Variants in AIG1 observed in about 807,000 individuals in gnomAD.
AIG1 encodes androgen-induced gene 1 protein.
In AIG1, 23 loss-of-function variants were observed where a neutral mutation model predicts 31.4. That is an observed-to-expected ratio of 0.73 (90% CI 0.53 to 1.04). The LOEUF (loss-of-function observed/expected upper bound fraction) is 1.04. AIG1 is among the 50% of genes least tolerant of loss of function. AIG1 has a pLI of 0.00. For missense variants in AIG1, 274 were observed against 295.0 expected, an observed-to-expected ratio of 0.93 and a Z score of 0.52; for synonymous variants, 100 against 110.5, an observed-to-expected ratio of 0.90 and a Z score of 0.60.
intron 3 of AIG1, among the ~76,000 whole-genome samples, chr6:143,242,187 AAG>A (rs773469750): frequency 6.6e-6 from 1 of 152,196 alleles, no homozygotes; most frequent in Non-Finnish European, 1.5e-5. Context: ...CAGGAGAAGC[AAG>A]AACGCAGCCA....
chr6:143,216,817 G>A (rs1454312312), intron 3 of AIG1, among the ~76,000 whole-genome samples: 2 of 152,200 alleles, frequency 1.3e-5, no homozygotes, highest in Non-Finnish European at 2.9e-5. Flanking sequence ...TGAGGACAGT[G>A]AGGGGAGAGG....
chr6:143,135,101 C>A (rs1474062538), intron 1 of AIG1, among the ~76,000 whole-genome samples: 1 of 152,094 alleles, frequency 6.6e-6, no homozygotes, highest in East Asian at 1.9e-4. Context: ...TGTTCTACAT[C>A]TTTGTAACAC....
intron 3 of AIG1, among the ~76,000 whole-genome samples, chr6:143,270,696 T>C (rs1796454220): frequency 6.6e-6 from 1 of 152,254 alleles, no homozygotes; most frequent in South Asian, 2.1e-4. Context: ...TTAAATAAGT[T>C]AGTATTTCTC....
chr6:143,106,089 T>C (rs1562381474), intron 1 of AIG1, among the ~76,000 whole-genome samples: 1 of 152,208 alleles, frequency 6.6e-6, no homozygotes, highest in Admixed American at 6.5e-5. Flanking sequence ...CATTTCGATG[T>C]AATTAATGAA....
chr6:143,240,246 G>A (rs976447398), intron 3 of AIG1, among the ~76,000 whole-genome samples: 3 of 152,186 alleles, frequency 2.0e-5, no homozygotes, highest in African/African-American at 7.2e-5. Flanking sequence ...TTGTTGTAAG[G>A]GTGAAATGAG....
intron 3 of AIG1, among the ~76,000 whole-genome samples, chr6:143,255,008 C>T (rs1462547568): frequency 1.3e-5 from 2 of 152,116 alleles, no homozygotes; most frequent in Admixed American, 1.3e-4. Context: ...TGCTGCACTC[C>T]AGCCTGAGTG....
At chr6:143,116,062 A>G (rs1479556057) in intron 1 of AIG1, among the ~76,000 whole-genome samples, 2 of 152,246 alleles carry the variant, frequency 1.3e-5, no homozygotes, top group African/African-American at 4.8e-5. Flanking sequence ...AGGGCTCATA[A>G]TCTAGACAGG....
At chr6:143,195,843 C>T (rs1191641254) in intron 3 of AIG1, among the ~76,000 whole-genome samples, 2 of 152,292 alleles carry the variant, frequency 1.3e-5, no homozygotes, top group East Asian at 1.9e-4. Flanking sequence ...AGAAAAGCCG[C>T]CAGAAGAAAA....
In AIG1 at chr6:143,139,281, G is replaced by A. The variant is rs369890006; in HGVS notation, c.297+2291G>A. ...TTTTAGAAAAAAGAGGAATAAAAGTGCCTTTCATCCCCACCCACCCCATCC... is the reference window on the plus strand; with the variant it reads ...TTTTAGAAAAAAGAGGAATAAAAGTACCTTTCATCCCCACCCACCCCATCC... On this transcript the variant is annotated intron_variant, in intron 2 of 5. Coordinates refer to ENST00000357847, the MANE Select transcript of AIG1 (RefSeq NM_016108.4). Among the ~76,000 whole-genome samples, 255 of 152,160 alleles carry A rather than the reference G, an allele frequency of 1.7e-3. 2 individuals carry two copies. Among genetic ancestry groups the A allele is most frequent in the African/African-American group, 5.9e-3 (244 of 41,498 alleles).
At chr6:143,303,885 A>C (rs920813222) in intron 4 of AIG1, among the ~76,000 whole-genome samples, 1 of 147,580 alleles carries the variant, frequency 6.8e-6, no homozygotes, top group African/African-American at 2.5e-5. Flanking sequence ...ATTTGTTTGT[A>C]TCCTCTTTTA....
At chr6:143,201,435 G>A (rs1790690173) in intron 3 of AIG1, among the ~76,000 whole-genome samples, 1 of 152,064 alleles carries the variant, frequency 6.6e-6, no homozygotes, top group Non-Finnish European at 1.5e-5. Context: ...TTTGATTTAG[G>A]CACCAGTGCT....
In AIG1 at chr6:143,317,165, C is replaced by T. The variant is rs143810365; in HGVS notation, c.516-16117C>T. ...TCCTCCCTAAGTCATTCTATGAAGC[C>T]AGTATCACCCTAATACCAAAACGAG... On this transcript the variant is annotated intron_variant, in intron 4 of 5. Transcript: ENST00000357847. 1.0e-3 allele frequency among the ~76,000 whole-genome samples: 156 copies of T among 152,160 alleles called. 3 individuals carry two copies. In the East Asian group the frequency reaches 0.025, roughly 25 times the overall value.
intron 2 of AIG1, among the ~76,000 whole-genome samples, chr6:143,137,775 T>C (rs1165902777): frequency 6.6e-6 from 1 of 152,208 alleles, no homozygotes; most frequent in African/African-American, 2.4e-5. Flanking sequence ...TTTTAACCTC[T>C]GTGTAGCCAG....
chr6:143,256,497 C>T lies in AIG1; in HGVS notation c.400-27613C>T, dbSNP rs576797666. The stretch of plus-strand genomic sequence containing the variant: ...TTGCCATCAGTAAATTTTATTTTGT[C>T]AGGTTTAGACATTTTTCTTGCACAG... On this transcript the variant is annotated intron_variant, in intron 3 of 5. Coordinates refer to ENST00000357847, the MANE Select transcript of AIG1 (RefSeq NM_016108.4). This position sits in a 1 kb window ranked among gnomAD's most constrained non-coding sequence, Gnocchi z 4.6. 1.3e-5 allele frequency among the ~76,000 whole-genome samples: 2 copies of T among 152,278 alleles called. No individual in the cohort carries two copies. Among genetic ancestry groups the T allele is most frequent in the South Asian group, 4.1e-4 (2 of 4,826 alleles).
chr6:143,292,120 G>A lies in AIG1; in HGVS notation c.515+7895G>A, dbSNP rs138146401. 6.6e-6 allele frequency among the ~76,000 whole-genome samples: 1 copy of A among 152,270 alleles called. No homozygotes were observed. Among genetic ancestry groups the A allele is most frequent in the East Asian group, 1.9e-4 (1 of 5,188 alleles). On this transcript the variant is annotated intron_variant, in intron 4 of 5. Transcript: ENST00000357847. The surrounding 1 kb of genome is among the most constrained non-coding windows in gnomAD (Gnocchi z 4.9). Reference sequence around the variant, plus strand: ...CCTGGCCAAATTTAAATTAAACCCTGGACTCAGCCCCTTTAATAATGTTTA... The same window carrying A: ...CCTGGCCAAATTTAAATTAAACCCTAGACTCAGCCCCTTTAATAATGTTTA...
rs758301941 is a variant in AIG1 at position 143,284,244 on chromosome 6, G to T, written c.515+19G>T. ...TATTATGGTAAGGACCATGCCTGCT[G>T]GGCTTTCTTATTGTATTAGATTTTG... On this transcript the variant is annotated intron_variant, in intron 4 of 5. Coordinates refer to ENST00000357847, the MANE Select transcript of AIG1 (RefSeq NM_016108.4). The surrounding 1 kb of genome is among the most constrained non-coding windows in gnomAD (Gnocchi z 4.4). 6.4e-7 allele frequency: 1 copy of T among 1,563,864 alleles called. No homozygotes were observed. The highest frequency in any genetic ancestry group is 8.8e-7 in the Non-Finnish European group (1 of 1,137,816).
At chr6:143,131,433 C>T (rs1299530271) in intron 1 of AIG1, among the ~76,000 whole-genome samples, 1 of 152,094 alleles carries the variant, frequency 6.6e-6, no homozygotes, top group Admixed American at 6.6e-5. Context: ...AAGAAATGAA[C>T]ACTATCCAGG....
intron 1 of AIG1, among the ~76,000 whole-genome samples, chr6:143,129,319 T>C (rs1583269398): frequency 6.6e-6 from 1 of 151,636 alleles, no homozygotes; most frequent in Non-Finnish European, 1.5e-5. Context: ...AAAAAGAAAA[T>C]AGGAAAAAAT....
At chr6:143,179,688 T>C (rs772620937) in intron 3 of AIG1, among the ~76,000 whole-genome samples, 1 of 152,222 alleles carries the variant, frequency 6.6e-6, no homozygotes, top group Non-Finnish European at 1.5e-5. Flanking sequence ...TAGAATTTAT[T>C]TGAAGAGGAG....
Sources: allele counts gnomAD v4.1 joint callset (sites outside exome capture counted in the v4.1 genomes callset), GRCh38; gene constraint gnomAD v4.1.1; non-coding constraint Gnocchi (gnomAD v3.1); transcripts MANE v1.5; gene names NCBI Gene and HGNC (gene_info 2026-07-23, HGNC 2026-07-21).